The following CELF4 variants were observed in gnomAD, a reference collection of about 807,000 sequenced individuals.
The protein encoded by CELF4 is CUG-BP- and ETR-3-like factor 4.
CELF4 carries 18 observed loss-of-function variants against 59.9 expected under a neutral mutation model. The observed-to-expected ratio is 0.30, with a 90% CI of 0.21 to 0.45. CELF4 has a LOEUF of 0.45. CELF4 is among the 20% of genes least tolerant of loss of function. CELF4 has a pLI of 1.00. For missense variants in CELF4, 456 were observed against 689.0 expected (o/e 0.66, Z 3.79); for synonymous variants, 261 against 267.1 (o/e 0.98, Z 0.22).
intron 2 of CELF4, among the ~76,000 whole-genome samples, chr18:37,364,140 G>A (rs984476590): frequency 1.3e-5 from 2 of 152,182 alleles, no homozygotes; most frequent in African/African-American, 2.4e-5. Context: ...AATGAGGCAC[G>A]ATGGGAGCTT....
rs61690376 is a variant in CELF4 at position 37,435,256 on chromosome 18, AAGATTACATATCTTGC to A, written c.369+50253_369+50268del. ...TCTCTGTGAGCATCTAGAAGCCACAAAGATTACATATCTTGCAGGAGGCCCAGGGCTTGTTTGGCTG... is the reference window on the plus strand; with the variant it reads ...TCTCTGTGAGCATCTAGAAGCCACAAAGGAGGCCCAGGGCTTGTTTGGCTG... On this transcript the variant is annotated intron_variant, in intron 2 of 12. Coordinates refer to ENST00000420428, the MANE Select transcript of CELF4 (RefSeq NM_020180.4). 4.4e-3 allele frequency among the ~76,000 whole-genome samples: 677 copies of A among 152,286 alleles called. 5 individuals carry two copies. Among genetic ancestry groups the A allele is most frequent in the African/African-American group, 0.015 (629 of 41,546 alleles).
At chr18:37,450,084 T>C (rs1386019079) in intron 2 of CELF4, among the ~76,000 whole-genome samples, 1 of 151,938 alleles carries the variant, frequency 6.6e-6, no homozygotes, top group African/African-American at 2.4e-5. Context: ...GGGAAGAAAA[T>C]TCCAGGCGTG....
At chr18:37,534,696 AT>A (rs1569569790) in intron 1 of CELF4, among the ~76,000 whole-genome samples, 2 of 152,156 alleles carry the variant, frequency 1.3e-5, no homozygotes, top group Non-Finnish European at 2.9e-5. Context: ...AATAAACAAG[AT>A]CATTTAAAGG....
chr18:37,429,871 C>T (rs1327915359), intron 2 of CELF4, among the ~76,000 whole-genome samples: 1 of 152,180 alleles, frequency 6.6e-6, no homozygotes, highest in Admixed American at 6.5e-5. Context: ...CCTCATCCTG[C>T]CCTGCCTGAC....
chr18:37,475,288 G>T (rs2099845679), intron 2 of CELF4, among the ~76,000 whole-genome samples: 1 of 152,212 alleles, frequency 6.6e-6, no homozygotes. Flanking sequence ...GCCAGTGGTG[G>T]TTGAACTTCT....
At chr18:37,457,632 G>T (rs943844775) in intron 2 of CELF4, among the ~76,000 whole-genome samples, 3 of 152,118 alleles carry the variant, frequency 2.0e-5, no homozygotes, top group Non-Finnish European at 2.9e-5. Flanking sequence ...TGGGAGCTCA[G>T]CCTGGGAGAA....
At chr18:37,527,627 G>A (rs768026671) in intron 1 of CELF4, among the ~76,000 whole-genome samples, 38 of 152,182 alleles carry the variant, frequency 2.5e-4, no homozygotes, top group Admixed American at 7.2e-4. Flanking sequence ...TCAGTCAGTG[G>A]TGAGAAAACA....
intron 2 of CELF4, among the ~76,000 whole-genome samples, chr18:37,417,082 G>A (rs1257196796): frequency 6.6e-6 from 1 of 152,196 alleles, no homozygotes; most frequent in Non-Finnish European, 1.5e-5. Flanking sequence ...CAGAAAAAAA[G>A]GGAAAAGAAA....
intron 1 of CELF4, among the ~76,000 whole-genome samples, chr18:37,515,332 G>A (rs779072029): frequency 6.6e-6 from 1 of 152,114 alleles, no homozygotes; most frequent in Non-Finnish European, 1.5e-5. Flanking sequence ...CTCCCCTCCT[G>A]GCTGCTCTGC....
At chr18:37,402,986 T>C (rs1003199587) in intron 2 of CELF4, among the ~76,000 whole-genome samples, 1 of 152,174 alleles carries the variant, frequency 6.6e-6, no homozygotes, top group African/African-American at 2.4e-5. Flanking sequence ...ATGTGGCTTC[T>C]TGTGGCTCCG....
intron 2 of CELF4, among the ~76,000 whole-genome samples, chr18:37,375,009 G>A (rs999012556): frequency 2.0e-5 from 3 of 152,156 alleles, no homozygotes; most frequent in African/African-American, 4.8e-5. Context: ...GTGGTGTGTC[G>A]GCCTGTCTGG....
intron 12 of CELF4, among the ~76,000 whole-genome samples, chr18:37,252,539 C>G (rs1256824425): frequency 6.6e-6 from 1 of 151,790 alleles, no homozygotes; most frequent in Non-Finnish European, 1.5e-5. Context: ...CCTCCTCACT[C>G]TCCCAGCAAC....
intron 2 of CELF4, among the ~76,000 whole-genome samples, chr18:37,379,142 C>G (rs1049986128): frequency 8.5e-5 from 13 of 152,140 alleles, no homozygotes; most frequent in African/African-American, 3.1e-4. Flanking sequence ...TCACCTGCCT[C>G]CCCCGGGGCC....
chr18:37,381,097 C>G (rs966271265), intron 2 of CELF4, among the ~76,000 whole-genome samples: 1 of 145,004 alleles, frequency 6.9e-6, no homozygotes, highest in African/African-American at 2.6e-5. Context: ...CATCTACCAT[C>G]AGCCATCCAC....
intron 1 of CELF4, among the ~76,000 whole-genome samples, chr18:37,559,086 G>T (rs1010348372): frequency 1.3e-5 from 2 of 152,036 alleles, no homozygotes; most frequent in African/African-American, 2.4e-5. Context: ...AAAACAAAAA[G>T]CACACCTTCA....
At chr18:37,381,481 T>C (rs1211650726) in intron 2 of CELF4, among the ~76,000 whole-genome samples, 1 of 152,094 alleles carries the variant, frequency 6.6e-6, no homozygotes, top group African/African-American at 2.4e-5. Flanking sequence ...AGGAAGCTCC[T>C]TGAGGTGGGA....
At chr18:37,362,509 G>C (rs544296797) in intron 2 of CELF4, among the ~76,000 whole-genome samples, 1 of 152,108 alleles carries the variant, frequency 6.6e-6, no homozygotes, top group Non-Finnish European at 1.5e-5. Context: ...GCTGGGGCAC[G>C]GGCTGGGTGT....
chr18:37,302,134 C>G (rs1198205238), intron 3 of CELF4, among the ~76,000 whole-genome samples: 2 of 152,194 alleles, frequency 1.3e-5, no homozygotes, highest in African/African-American at 4.8e-5. Context: ...TAATAAAACT[C>G]CCAAGAATAC....
At chr18:37,355,924 G>A (rs1290009617) in intron 2 of CELF4, among the ~76,000 whole-genome samples, 1 of 152,190 alleles carries the variant, frequency 6.6e-6, no homozygotes, top group Admixed American at 6.5e-5. Context: ...ACCTACATGA[G>A]ATGGGGCCTC....
Sources: allele counts gnomAD v4.1 joint callset (sites outside exome capture counted in the v4.1 genomes callset), GRCh38; gene constraint gnomAD v4.1.1; transcripts MANE v1.5; gene names NCBI Gene and HGNC (gene_info 2026-07-23, HGNC 2026-07-21).